The following TSHZ2 variants were observed in gnomAD, a reference collection of about 807,000 sequenced individuals.
The protein encoded by TSHZ2 is teashirt zinc finger homeobox 2, also known as teashirt homolog 2.
A neutral mutation model predicts 74.4 loss-of-function variants in TSHZ2; 21 were observed. That is an observed-to-expected ratio of 0.28 (90% CI 0.20 to 0.41). TSHZ2 has a LOEUF of 0.41. Ranked by LOEUF, TSHZ2 falls within the 10% of genes least tolerant of loss-of-function variation. The probability of loss-of-function intolerance (pLI) is 1.00; values close to 1 mark genes in which losing one functional copy is unlikely to be tolerated. For synonymous variants in TSHZ2, 540 were observed against 515.3 expected, an observed-to-expected ratio of 1.05 and a Z score of -0.65; for missense variants, 1,244 against 1,293.5, an observed-to-expected ratio of 0.96 and a Z score of 0.59.
At chr20:53,224,849 CAAAAAAAAA>C (rs1157712413) in intron 1 of TSHZ2, among the ~76,000 whole-genome samples, 1 of 112,880 alleles carries the variant, frequency 8.9e-6, no homozygotes, top group East Asian at 3.6e-4. Context: ...GACTCCATCT[CAAAAAAAAA>C]AAAAAAAAAA....
chr20:53,252,147 C>G (rs1990346096), intron 1 of TSHZ2, among the ~76,000 whole-genome samples: 2 of 152,216 alleles, frequency 1.3e-5, no homozygotes, highest in African/African-American at 2.4e-5. Context: ...TCTTCAGCAG[C>G]AGCAGCAGCG....
chr20:53,072,199 GT>G (rs1985197651), intron 1 of TSHZ2, among the ~76,000 whole-genome samples: 1 of 152,194 alleles, frequency 6.6e-6, no homozygotes, highest in Admixed American at 6.5e-5. Flanking sequence ...GCTAAGCTGG[GT>G]TGGAGCAGAA....
At chr20:53,428,987 C>T (rs1983748507) in intron 2 of TSHZ2, among the ~76,000 whole-genome samples, 1 of 152,212 alleles carries the variant, frequency 6.6e-6, no homozygotes, top group Admixed American at 6.5e-5. Flanking sequence ...GCTTTTGTCT[C>T]TGGAAAATCA....
chr20:53,253,558 G>A lies in TSHZ2; in HGVS notation c.100G>A (p.Glu34Lys), dbSNP rs1473244988. The change falls in exon 2 of 3, where the codon GAG (glutamate) becomes AAG (lysine). Residue 34 changes from glutamate (E) to lysine (K), a missense_variant. By Grantham distance (56) the Glu-to-Lys change is moderately conservative. Transcript: ENST00000371497. The part of the protein sequence containing the change: ...EEEIKEEEEE[E>K]DSGSVAQLQG... ...GGAAATAAAAGAAGAGGAGGAGGAG[G>A]AGGACAGCGGTTCAGTAGCTCAACT... The A allele has an allele frequency of 1.2e-6, 2 of 1,613,856 alleles. No individual in the cohort carries two copies. The highest frequency in any genetic ancestry group is 1.7e-6 in the Non-Finnish European group (2 of 1,179,888).
At chr20:53,228,142 A>T (rs976596626) in intron 1 of TSHZ2, among the ~76,000 whole-genome samples, 2 of 142,568 alleles carry the variant, frequency 1.4e-5, no homozygotes, top group Admixed American at 7.2e-5. Flanking sequence ...ACACACACAC[A>T]CTCACAGAGA....
chr20:53,346,390 G>A (rs1229870787), intron 2 of TSHZ2, among the ~76,000 whole-genome samples: 3 of 152,166 alleles, frequency 2.0e-5, no homozygotes, highest in Admixed American at 6.5e-5. Context: ...AACGGCCCTC[G>A]AAGCCAGCAC....
intron 1 of TSHZ2, among the ~76,000 whole-genome samples, chr20:53,144,059 A>G (rs1337965232): frequency 6.6e-6 from 1 of 152,214 alleles, no homozygotes; most frequent in Non-Finnish European, 1.5e-5. Flanking sequence ...GGAGGCCACA[A>G]GACCAGATGA....
chr20:53,170,727 C>A (rs532582088), intron 1 of TSHZ2, among the ~76,000 whole-genome samples: 6 of 152,242 alleles, frequency 3.9e-5, no homozygotes, highest in Admixed American at 3.3e-4. Flanking sequence ...CTGAGCTTAG[C>A]GGTACTAAAA....
chr20:53,008,239 G>T (rs1982717945), intron 1 of TSHZ2, among the ~76,000 whole-genome samples: 2 of 152,202 alleles, frequency 1.3e-5, no homozygotes, highest in South Asian at 4.1e-4. Context: ...AGAGAAGTAG[G>T]TAAAGGCATT....
At chr20:53,391,607 T>C (rs1982262101) in intron 2 of TSHZ2, among the ~76,000 whole-genome samples, 1 of 152,176 alleles carries the variant, frequency 6.6e-6, no homozygotes, top group Admixed American at 6.5e-5. Flanking sequence ...CAGTGTACTA[T>C]TTTAAAGACA....
intron 1 of TSHZ2, among the ~76,000 whole-genome samples, chr20:52,996,738 C>T (rs926508139): frequency 6.6e-6 from 1 of 152,086 alleles, no homozygotes; most frequent in Non-Finnish European, 1.5e-5. Flanking sequence ...CTGACATATG[C>T]GAAGGAAACA....
intron 2 of TSHZ2, among the ~76,000 whole-genome samples, chr20:53,431,821 G>T (rs945692880): frequency 2.0e-5 from 3 of 152,082 alleles, no homozygotes; most frequent in African/African-American, 4.8e-5. Flanking sequence ...GTAATATGTT[G>T]CATGTGGCCC....
At chr20:53,161,130 CAAAAAAAAAAAA>C (rs368626161) in intron 1 of TSHZ2, among the ~76,000 whole-genome samples, 2 of 67,972 alleles carry the variant, frequency 2.9e-5, no homozygotes, top group East Asian at 5.1e-4. Flanking sequence ...TTATTTTCAG[CAAAAAAAAAAAA>C]AAAAAAAAAA....
chr20:53,376,437 G>C (rs758375209), intron 2 of TSHZ2, among the ~76,000 whole-genome samples: 1 of 152,178 alleles, frequency 6.6e-6, no homozygotes, highest in African/African-American at 2.4e-5. Context: ...CTGCCATCTT[G>C]TCTGACTTCT....
At chr20:53,438,484 A>G (rs978875158) in intron 2 of TSHZ2, among the ~76,000 whole-genome samples, 1 of 152,146 alleles carries the variant, frequency 6.6e-6, no homozygotes, top group African/African-American at 2.4e-5. Context: ...TTTTAGGAAG[A>G]AATCTCTCAT....
intron 1 of TSHZ2, among the ~76,000 whole-genome samples, chr20:53,051,129 A>G (rs1283256566): frequency 6.6e-6 from 1 of 152,204 alleles, no homozygotes; most frequent in Non-Finnish European, 1.5e-5. Flanking sequence ...ACCTGAGGTC[A>G]GGAGTTTGAA....
At chr20:53,402,859 A>C (rs1982716783) in intron 2 of TSHZ2, among the ~76,000 whole-genome samples, 1 of 152,198 alleles carries the variant, frequency 6.6e-6, no homozygotes, top group South Asian at 2.1e-4. Flanking sequence ...AGCCACATCA[A>C]ACCGAACTTT....
chr20:53,425,800 TG>T (rs913304060), intron 2 of TSHZ2, among the ~76,000 whole-genome samples: 8 of 145,338 alleles, frequency 5.5e-5, no homozygotes, highest in Middle Eastern at 3.5e-3. Flanking sequence ...AACGTTCTTT[TG>T]TTTTTTTTTT....
rs1157712413 is a variant in TSHZ2, at chr20:53,224,849, C to CAA, written c.41-28630_41-28629dup. ...TGGGTGACAGAGCAAGACTCCATCT[C>CAA]AAAAAAAAAAAAAAAAAAAAAGAAC... On this transcript the variant is annotated intron_variant, in intron 1 of 2. Coordinates refer to ENST00000371497, the MANE Select transcript of TSHZ2 (RefSeq NM_173485.6). Among the ~76,000 whole-genome samples the CAA allele has an allele frequency of 7.7e-4, 87 of 112,794 alleles. No homozygotes were observed. In the South Asian group the frequency reaches 0.01, roughly 13 times the overall value. 74.0% of individuals were successfully genotyped at this position (112,794 alleles called of 152,430 possible).
Sources: allele counts gnomAD v4.1 joint callset (sites outside exome capture counted in the v4.1 genomes callset), GRCh38; gene constraint gnomAD v4.1.1; transcripts MANE v1.5; gene names NCBI Gene and HGNC (gene_info 2026-07-23, HGNC 2026-07-21).